Variants in TGDS observed in about 807,000 individuals in gnomAD.
TGDS encodes the protein UDP-D-glucose 4,6-dehydratase.
A neutral mutation model predicts 52.3 loss-of-function variants in TGDS; 47 were observed. That is an observed-to-expected ratio of 0.90 (90% CI 0.71 to 1.15). The LOEUF is 1.15. Among genes scored for constraint, TGDS ranks in the 50% most tolerant of loss-of-function variants. The probability of loss-of-function intolerance (pLI) is 0.00; values close to 1 mark genes in which losing one functional copy is unlikely to be tolerated. For missense variants in TGDS, 375 were observed against 418.4 expected (o/e 0.90, Z 0.90); for synonymous variants, 115 against 136.9 (o/e 0.84, Z 1.12).
At chr13:94,595,869 A>C in intron 1 of TGDS, 182 bp downstream of exon 1, 1 of 674,532 alleles carries the variant, frequency 1.5e-6, no homozygotes, top group South Asian at 1.8e-5. Context: ...TCAGTTTCAA[A>C]GGAACCACTT....
intron 5 of TGDS, among the ~76,000 whole-genome samples, chr13:94,581,610 G>C: frequency 6.6e-6 from 1 of 152,174 alleles, no homozygotes; most frequent in South Asian, 2.1e-4. Flanking sequence ...TAGGGTGGCA[G>C]GGTGCATGAA....
intron 4 of TGDS, 120 bp from the exon 5 acceptor site, chr13:94,583,356 G>C (rs1023176323): frequency 1.0e-6 from 1 of 990,530 alleles, no homozygotes; most frequent in Non-Finnish European, 1.4e-6. Flanking sequence ...ACAGCTGCAA[G>C]AGTTATAATA....
chr13:94,587,364 CAAATGTT>C (rs1889028843), intron 4 of TGDS, among the ~76,000 whole-genome samples: 1 of 152,060 alleles, frequency 6.6e-6, no homozygotes, highest in Non-Finnish European at 1.5e-5. Context: ...TGTCAAATGT[CAAATGTT>C]GTTTTTTGGA....
intron 4 of TGDS, among the ~76,000 whole-genome samples, chr13:94,584,916 A>G (rs1888926084): frequency 6.6e-6 from 1 of 152,218 alleles, no homozygotes; most frequent in Non-Finnish European, 1.5e-5. Context: ...AATTCATAGC[A>G]ATATTAAGAA....
chr13:94,589,145 ACT>A lies in TGDS; in HGVS notation c.313+1706_313+1707del, dbSNP rs969037567. ...TGAAAACATCTGTTCATCAAAACAC[ACT>A]GTCAAAAAAGTGAGAAGATAGGCCA... is the stretch of plus-strand genomic sequence containing the variant. On this transcript the variant is annotated intron_variant, in intron 4 of 11. Coordinates refer to ENST00000261296, the MANE Select transcript of TGDS (RefSeq NM_014305.4). Among the ~76,000 whole-genome samples, 48 of 152,250 alleles carry A rather than the reference ACT, an allele frequency of 3.2e-4. 1 individual carries two copies. In the South Asian group the frequency reaches 8.3e-3, roughly 26 times the overall value.
At position 94,581,092 on chromosome 13, in the gene TGDS, T is replaced by G. The variant is rs1376678181; in HGVS notation, c.554A>C (p.Lys185Thr). 3.9e-6 allele frequency: 6 copies of G among 1,528,282 alleles called. No individual in the cohort carries two copies. In the South Asian group the frequency reaches 8.1e-5, roughly 21 times the overall value. The allele number at this position is 1,528,282 out of a possible 1,614,324, so 94.7% of individuals were successfully genotyped here. Residue 185 changes from lysine (K) to threonine (T), a missense_variant and splice_region_variant, in exon 6 of 12, where the codon AAG (lysine) becomes ACG (threonine). Transcript: ENST00000261296. ...CFVQSYWEQY[K>T]FPVVITRSSN... Reference sequence around the variant, plus strand: ...AGAGTTTCTGCAATCAGTTCTTACCTTATATTGTTCCCAGTAAGACTGTAC... The same window carrying G: ...AGAGTTTCTGCAATCAGTTCTTACCGTATATTGTTCCCAGTAAGACTGTAC...
intron 4 of TGDS, among the ~76,000 whole-genome samples, chr13:94,584,712 A>G (rs1352492344): frequency 6.6e-6 from 1 of 152,226 alleles, no homozygotes; most frequent in African/African-American, 2.4e-5. Context: ...AAAAACATTG[A>G]AGATAAAACT....
At chr13:94,577,855 A>T in intron 9 of TGDS, 150 bp downstream of exon 9, 1 of 721,780 alleles carries the variant, frequency 1.4e-6, no homozygotes, top group South Asian at 2.8e-5. Flanking sequence ...GATCCAACTT[A>T]ATTTAAGACA....
chr13:94,581,065 C>G lies in TGDS; in HGVS notation c.555+26G>C, dbSNP rs751363223. The G allele has an allele frequency of 3.1e-6, 4 of 1,309,522 alleles. No individual in the cohort carries two copies. The East Asian group carries it at 7.6e-5, about 25-fold the overall frequency. 81.1% of individuals were successfully genotyped at this position (1,309,522 alleles called of 1,614,324 possible). A position where few individuals can be genotyped will look rare whatever the true frequency, so the allele number is the denominator to read the frequency against. On this transcript the variant is annotated intron_variant, in intron 6 of 11. Coordinates refer to ENST00000261296, the MANE Select transcript of TGDS (RefSeq NM_014305.4). Reference sequence around the variant, plus strand: ...CACTTAAGTCCAAAGGAAAATGTTTCAAGAGTTTCTGCAATCAGTTCTTAC... The same window carrying G: ...CACTTAAGTCCAAAGGAAAATGTTTGAAGAGTTTCTGCAATCAGTTCTTAC...
intron 2 of TGDS, among the ~76,000 whole-genome samples, chr13:94,592,723 G>C (rs1293760817): frequency 6.6e-6 from 1 of 151,998 alleles, no homozygotes; most frequent in African/African-American, 2.4e-5. Context: ...CAAAGTGCTG[G>C]GATTACAAGC....
chr13:94,586,382 T>C (rs1169870376), intron 4 of TGDS, among the ~76,000 whole-genome samples: 3 of 152,052 alleles, frequency 2.0e-5, no homozygotes, highest in Non-Finnish European at 1.5e-5. Context: ...TCAAACAAAA[T>C]AGATTTTAAA....
chr13:94,577,909 C>G, intron 9 of TGDS, 96 bp downstream of exon 9: 1 of 1,263,648 alleles, frequency 7.9e-7, no homozygotes, highest in African/African-American at 1.5e-5. Flanking sequence ...TACTTGCTTA[C>G]TTTTAAATTA....
intron 10 of TGDS, 31 bp from the exon 11 acceptor site, chr13:94,576,442 T>C (rs1272092990): frequency 7.1e-7 from 1 of 1,416,958 alleles, no homozygotes. Flanking sequence ...TAAAATAATA[T>C]TGTAGATATA....
At chr13:94,585,799 CA>C (rs371365630) in intron 4 of TGDS, among the ~76,000 whole-genome samples, 3,822 of 116,260 alleles carry the variant, frequency 0.033, 86 homozygotes, top group African/African-American at 0.086. Flanking sequence ...GACTCTGTCT[CA>C]AAAAAAAAAA....
chr13:94,580,270 C>T (rs1888741703), intron 6 of TGDS, among the ~76,000 whole-genome samples: 1 of 152,146 alleles, frequency 6.6e-6, no homozygotes, highest in African/African-American at 2.4e-5. Context: ...ATTTTAAAGA[C>T]CACCTCAAGG....
At chr13:94,591,232 T>A (rs933758035) in intron 3 of TGDS, among the ~76,000 whole-genome samples, 1 of 152,228 alleles carries the variant, frequency 6.6e-6, no homozygotes, top group Non-Finnish European at 1.5e-5. Flanking sequence ...CCAAGGCCAC[T>A]ATATTAATAC....
chr13:94,587,430 G>A (rs949555554), intron 4 of TGDS, among the ~76,000 whole-genome samples: 4 of 152,052 alleles, frequency 2.6e-5, no homozygotes, highest in Non-Finnish European at 4.4e-5. Flanking sequence ...TTATTATAAA[G>A]CTACAGTAAT....
intron 5 of TGDS, among the ~76,000 whole-genome samples, chr13:94,581,718 C>A (rs75247628): frequency 0.014 from 2,168 of 152,228 alleles, 54 homozygotes; most frequent in African/African-American, 0.049. Context: ...TTTACTTTTT[C>A]TCACTGTAAG....
chr13:94,577,231 T>C (rs2139513970), intron 10 of TGDS, 140 bp downstream of exon 10: 11 of 574,896 alleles, frequency 1.9e-5, no homozygotes, highest in Non-Finnish European at 2.6e-5. Context: ...ATTTGTATGG[T>C]ACTTACGATT....
Sources: gnomAD v4.1 joint callset for allele counts (sites outside exome capture counted in the v4.1 genomes callset) on GRCh38, gnomAD v4.1.1 for gene constraint, MANE v1.5 for transcripts, NCBI Gene and HGNC (gene_info 2026-07-23, HGNC 2026-07-21) for gene names.